Variants in MYH10 observed in about 807,000 individuals in gnomAD.
MYH10 encodes myosin heavy chain 10, also known as myosin-10.
Under a neutral mutation model 257.8 loss-of-function variants are expected in MYH10, and 55 were observed. The observed-to-expected ratio is 0.21, with a 90% CI of 0.17 to 0.27. The LOEUF is 0.27. MYH10 is among the 10% of genes least tolerant of loss of function. The pLI is 1.00. For missense variants in MYH10, 1,631 were observed against 2,500.6 expected (o/e 0.65, Z 7.42); for synonymous variants, 854 against 921.7 (o/e 0.93, Z 1.33).
chr17:8,571,887 G>A (rs1375097928), intron 6 of MYH10, among the ~76,000 whole-genome samples: 1 of 151,120 alleles, frequency 6.6e-6, no homozygotes, highest in Non-Finnish European at 1.5e-5. Context: ...AAAGCCCTTG[G>A]TATACTCACT....
At chr17:8,491,082 T>C (rs770767894) in intron 34 of MYH10, among the ~76,000 whole-genome samples, 7 of 152,232 alleles carry the variant, frequency 4.6e-5, no homozygotes, top group Non-Finnish European at 1.0e-4. Context: ...CCTCATTCTC[T>C]GCGCCAAGCA....
At position 8,569,695 on chromosome 17, in the gene MYH10, A is replaced by G; in HGVS notation, c.756+25T>C. On this transcript the variant is annotated intron_variant, in intron 7 of 42. Coordinates refer to ENST00000360416, the MANE Select transcript of MYH10 (RefSeq NM_001256012.3). The surrounding 1 kb of genome is among the most constrained non-coding windows in gnomAD (Gnocchi z 4.1). ...TTTAACTAGAAATCTAAGGAATTAAAAGCTTCTGGTGCTTTGAAACTTACA... is the reference window on the plus strand; with the variant it reads ...TTTAACTAGAAATCTAAGGAATTAAGAGCTTCTGGTGCTTTGAAACTTACA... The G allele has an allele frequency of 6.6e-7, 1 of 1,512,568 alleles. No individual in the cohort carries two copies. The highest frequency in any genetic ancestry group is 9.1e-7 in the Non-Finnish European group (1 of 1,102,534). 93.7% of individuals were successfully genotyped at this position (1,512,568 alleles called of 1,614,324 possible). A position where few individuals can be genotyped will look rare whatever the true frequency, so the allele number is the denominator to read the frequency against.
At chr17:8,508,483 T>C (rs2081148843) in intron 26 of MYH10, 71 bp downstream of exon 26, 1 of 1,584,234 alleles carries the variant, frequency 6.3e-7, no homozygotes. Context: ...TATTTTTGCA[T>C]GTTCTGATTA....
chr17:8,572,976 G>A (rs866604256), intron 6 of MYH10, among the ~76,000 whole-genome samples: 2 of 152,166 alleles, frequency 1.3e-5, no homozygotes. Context: ...AGGGGGCAGT[G>A]ACTATTTACT....
intron 30 of MYH10, 88 bp downstream of exon 30, chr17:8,499,182 A>G (rs1394085035): frequency 7.4e-7 from 1 of 1,344,662 alleles, no homozygotes; most frequent in Non-Finnish European, 1.0e-6. Flanking sequence ...CACATTGGCC[A>G]TGGGTCTCTT....
At chr17:8,505,042 T>C in intron 27 of MYH10, 136 bp from the exon 28 acceptor site, 3 of 732,644 alleles carry the variant, frequency 4.1e-6, no homozygotes, top group Non-Finnish European at 7.0e-6. Flanking sequence ...CTGAGGCTGG[T>C]GCAGATGCTC....
chr17:8,518,047 T>TGTGTGTGTGTGTGA (rs1291000934), intron 21 of MYH10, among the ~76,000 whole-genome samples: 1 of 149,230 alleles, frequency 6.7e-6, no homozygotes, highest in Non-Finnish European at 1.5e-5. Flanking sequence ...TGTGTGTGTG[T>TGTGTGTGTGTGTGA]GTGAGAAGCA....
intron 1 of MYH10, among the ~76,000 whole-genome samples, chr17:8,625,164 T>C (rs1252817608): frequency 1.3e-5 from 2 of 152,124 alleles, no homozygotes; most frequent in African/African-American, 2.4e-5. Context: ...GGCAGGAGAA[T>C]TGCTTGAACC....
chr17:8,612,367 TTCTA>T (rs2152089767), intron 2 of MYH10, among the ~76,000 whole-genome samples: 1 of 152,334 alleles, frequency 6.6e-6, no homozygotes, highest in South Asian at 2.1e-4. Flanking sequence ...AGAATCAATC[TTCTA>T]TCTGTGAATT....
chr17:8,626,578 A>AATAAAT (rs1284109448), intron 1 of MYH10, among the ~76,000 whole-genome samples: 26 of 140,176 alleles, frequency 1.9e-4, no homozygotes, highest in African/African-American at 5.6e-4. Flanking sequence ...AAATAATAAT[A>AATAAAT]AATAATAATA....
Position 8,606,155 on chromosome 17 carries a change from T to C in MYH10, c.346-1173A>G, listed in dbSNP as rs144140098. On this transcript the variant is annotated intron_variant, in intron 2 of 42. Transcript: ENST00000360416. ...GGATGGATCTTCAGTAAATAAAAGCTGCTAGGCTAGAAAATACAAACTTTT... is the reference window on the plus strand; with the variant it reads ...GGATGGATCTTCAGTAAATAAAAGCCGCTAGGCTAGAAAATACAAACTTTT... 8.1e-4 allele frequency among the ~76,000 whole-genome samples: 124 copies of C among 152,222 alleles called. 3 individuals carry two copies. The highest frequency in any genetic ancestry group is 2.9e-3 in the African/African-American group (122 of 41,536).
intron 38 of MYH10, 41 bp from the exon 39 acceptor site, chr17:8,480,566 A>G (rs753052926): frequency 2.1e-5 from 33 of 1,599,290 alleles, no homozygotes; most frequent in Non-Finnish European, 2.8e-5. Context: ...ATCCCAGCTC[A>G]GCACAGCACA....
Position 8,604,818 on chromosome 17 carries a change from C to A in MYH10, c.502+8G>T. On this transcript the variant is annotated splice_region_variant and intron_variant, in intron 3 of 42. Coordinates refer to ENST00000360416, the MANE Select transcript of MYH10 (RefSeq NM_001256012.3). ...CTGAGCATTTAGTATTCAAATATTT[C>A]CAATTACCTTGAAGCATGCATCTGT... 3 of 1,474,080 alleles carry A rather than the reference C, an allele frequency of 2.0e-6. No individual in the cohort carries two copies. Among genetic ancestry groups the A allele is most frequent in the Non-Finnish European group, 2.7e-6 (3 of 1,107,610 alleles). 91.3% of individuals were successfully genotyped at this position (1,474,080 alleles called of 1,614,324 possible). A position where few individuals can be genotyped will look rare whatever the true frequency, so the allele number is the denominator to read the frequency against.
At chr17:8,621,466 C>G (rs1413582601) in intron 2 of MYH10, among the ~76,000 whole-genome samples, 2 of 152,228 alleles carry the variant, frequency 1.3e-5, no homozygotes, top group African/African-American at 4.8e-5. Flanking sequence ...CCCACACTCA[C>G]AGACCTGAGA....
At chr17:8,495,535 A>G (rs1484135245) in intron 30 of MYH10, among the ~76,000 whole-genome samples, 1 of 152,160 alleles carries the variant, frequency 6.6e-6, no homozygotes, top group Non-Finnish European at 1.5e-5. Flanking sequence ...TATCATGAAG[A>G]TACAAAAATT....
At chr17:8,627,997 G>C (rs2085747149) in intron 1 of MYH10, among the ~76,000 whole-genome samples, 1 of 152,208 alleles carries the variant, frequency 6.6e-6, no homozygotes, top group Non-Finnish European at 1.5e-5. Flanking sequence ...ATGATGGAAG[G>C]TGACATGGAG....
chr17:8,498,148 A>G (rs896082358), intron 30 of MYH10, among the ~76,000 whole-genome samples: 4 of 151,596 alleles, frequency 2.6e-5, no homozygotes, highest in Admixed American at 2.6e-4. Flanking sequence ...ACACCTGGCC[A>G]ATTTTTTTGT....
intron 28 of MYH10, among the ~76,000 whole-genome samples, chr17:8,502,960 T>A (rs907797668): frequency 5.3e-5 from 8 of 152,220 alleles, no homozygotes; most frequent in Non-Finnish European, 8.8e-5. Flanking sequence ...AGCCCAGGAC[T>A]TAAACTACTA....
intron 32 of MYH10, 125 bp downstream of exon 32, chr17:8,493,608 G>A: frequency 1.8e-6 from 2 of 1,133,612 alleles, no homozygotes; most frequent in Non-Finnish European, 2.4e-6. Context: ...ACCATTTAAT[G>A]GGCTTAATTT....
Sources: gnomAD v4.1 joint callset for allele counts (sites outside exome capture counted in the v4.1 genomes callset) on GRCh38, gnomAD v4.1.1 for gene constraint, Gnocchi (gnomAD v3.1) non-coding constraint, MANE v1.5 for transcripts, NCBI Gene and HGNC (gene_info 2026-07-23, HGNC 2026-07-21) for gene names.